Variants in KIRREL3 observed in about 807,000 individuals in gnomAD.
The protein encoded by KIRREL3 is kin of IRRE-like protein 3.
A neutral mutation model predicts 89.7 loss-of-function variants in KIRREL3; 36 were observed. The observed-to-expected ratio is 0.40, with a 90% CI of 0.31 to 0.53. The LOEUF is 0.53. Ranked by LOEUF, KIRREL3 falls within the 20% of genes least tolerant of loss-of-function variation. The pLI is 0.49. For missense variants in KIRREL3, 864 were observed against 1,056.6 expected, an observed-to-expected ratio of 0.82 and a Z score of 2.53; for synonymous variants, 445 against 441.4, an observed-to-expected ratio of 1.01 and a Z score of -0.10.
At chr11:126,907,584 C>T (rs997337184) in intron 1 of KIRREL3, among the ~76,000 whole-genome samples, 2 of 152,174 alleles carry the variant, frequency 1.3e-5, no homozygotes, top group Non-Finnish European at 2.9e-5. Flanking sequence ...AGTATTGGAG[C>T]TCTTCTACCA....
At chr11:126,712,395 C>T (rs1226888828) in intron 1 of KIRREL3, among the ~76,000 whole-genome samples, 1 of 152,184 alleles carries the variant, frequency 6.6e-6, no homozygotes, top group Non-Finnish European at 1.5e-5. Context: ...CCCCTCAGAG[C>T]CCTCTGCCCC....
chr11:126,978,386 C>A lies in KIRREL3; in HGVS notation c.55+22069G>T, dbSNP rs1011720189. On this transcript the variant is annotated intron_variant, in intron 1 of 16. Coordinates refer to ENST00000525144, the MANE Select transcript of KIRREL3 (RefSeq NM_032531.4). The surrounding 1 kb of genome is among the most constrained non-coding windows in gnomAD (Gnocchi z 4.2). Reference sequence around the variant, plus strand: ...TTATGTGTGGAACCTCTGGAATGAACCTGCATTCTTTTCTTTGTTAACCCA... The same window carrying A: ...TTATGTGTGGAACCTCTGGAATGAAACTGCATTCTTTTCTTTGTTAACCCA... 3.3e-5 allele frequency among the ~76,000 whole-genome samples: 5 copies of A among 152,152 alleles called. No homozygotes were observed. The highest frequency in any genetic ancestry group is 7.3e-5 in the Non-Finnish European group (5 of 68,038).
At chr11:126,926,184 GGT>G (rs1305777186) in intron 1 of KIRREL3, among the ~76,000 whole-genome samples, 1 of 152,224 alleles carries the variant, frequency 6.6e-6, no homozygotes, top group African/African-American at 2.4e-5. Context: ...AGGACAGGTG[GGT>G]GGCAGACGAA....
chr11:126,507,984 G>C (rs540628978), intron 4 of KIRREL3, among the ~76,000 whole-genome samples: 55 of 152,224 alleles, frequency 3.6e-4, no homozygotes, highest in African/African-American at 1.3e-3. Flanking sequence ...TAGTGACTTC[G>C]TTTGTGTGCG....
chr11:126,562,752 C>G lies in KIRREL3; in HGVS notation c.133+83G>C. On this transcript the variant is annotated intron_variant, in intron 2 of 16. Transcript: ENST00000525144. The surrounding 1 kb of genome is among the most constrained non-coding windows in gnomAD (Gnocchi z 4.7). The stretch of plus-strand genomic sequence containing the variant: ...TTCTGAGAGGTCCCAGGTTCTTATT[C>G]CTGGTTCCTCTGTCCTGTGGCTGTA... The G allele has an allele frequency of 8.3e-7, 1 of 1,198,750 alleles. No homozygotes were observed. Among genetic ancestry groups the G allele is most frequent in the Admixed American group, 1.8e-5 (1 of 55,888 alleles). The allele number at this position is 1,198,750 out of a possible 1,614,324, so 74.3% of individuals were successfully genotyped here. A position where few individuals can be genotyped will look rare whatever the true frequency, so the allele number is the denominator to read the frequency against.
rs372217914 is a variant in KIRREL3 at position 126,622,393 on chromosome 11, C to T, written c.56-59481G>A. On this transcript the variant is annotated intron_variant, in intron 1 of 16. Coordinates refer to ENST00000525144, the MANE Select transcript of KIRREL3 (RefSeq NM_032531.4). The surrounding 1 kb of genome is among the most constrained non-coding windows in gnomAD (Gnocchi z 5.2). ...TGGAGTCTGGAGGGAGGAGAGGAGT[C>T]GGTTCTGGCTTGTGAGCCATGGTGC... Among the ~76,000 whole-genome samples, 10 of 152,270 alleles carry T rather than the reference C, an allele frequency of 6.6e-5. No homozygotes were observed. Among genetic ancestry groups the T allele is most frequent in the South Asian group, 6.2e-4 (3 of 4,822 alleles).
intron 1 of KIRREL3, among the ~76,000 whole-genome samples, chr11:126,861,967 G>A (rs1944720930): frequency 6.6e-6 from 1 of 152,228 alleles, no homozygotes; most frequent in Non-Finnish European, 1.5e-5. Context: ...GTGCACATGA[G>A]CATGGCTCGT....
chr11:126,837,998 C>T lies in KIRREL3; in HGVS notation c.55+162457G>A, dbSNP rs990175136. The stretch of plus-strand genomic sequence containing the variant: ...ATTCACGTTATTTATATTACTAATC[C>T]TGTCCCCAGACCTGTAAGTCATTGC... On this transcript the variant is annotated intron_variant, in intron 1 of 16. Coordinates refer to ENST00000525144, the MANE Select transcript of KIRREL3 (RefSeq NM_032531.4). This position sits in a 1 kb window ranked among gnomAD's most constrained non-coding sequence, Gnocchi z 4.7. Among the ~76,000 whole-genome samples, 6 of 152,170 alleles carry T rather than the reference C, an allele frequency of 3.9e-5. No individual in the cohort carries two copies. Among genetic ancestry groups the T allele is most frequent in the Non-Finnish European group, 4.4e-5 (3 of 68,034 alleles).
chr11:126,690,800 T>C (rs1188317604), intron 1 of KIRREL3, among the ~76,000 whole-genome samples: 1 of 152,224 alleles, frequency 6.6e-6, no homozygotes, highest in Non-Finnish European at 1.5e-5. Flanking sequence ...CAAGTGCACC[T>C]TTATGGCCCA....
Position 126,872,332 on chromosome 11 carries a change from A to T in KIRREL3, c.55+128123T>A, listed in dbSNP as rs942572831. On this transcript the variant is annotated intron_variant, in intron 1 of 16. Coordinates refer to ENST00000525144, the MANE Select transcript of KIRREL3 (RefSeq NM_032531.4). The surrounding 1 kb of genome is among the most constrained non-coding windows in gnomAD (Gnocchi z 4.2). ...GTAACCACCTCTTAATTTGCATGTA[A>T]ATAAAGGGGGTATAAACACAGTTGT... Among the ~76,000 whole-genome samples, 1 of 152,178 alleles carries T rather than the reference A, an allele frequency of 6.6e-6. No individual in the cohort carries two copies. The highest frequency in any genetic ancestry group is 2.4e-5 in the African/African-American group (1 of 41,452).
chr11:126,525,092 C>T lies in KIRREL3; in HGVS notation c.283+1446G>A, dbSNP rs1565523120. On this transcript the variant is annotated intron_variant, in intron 3 of 16. Coordinates refer to ENST00000525144, the MANE Select transcript of KIRREL3 (RefSeq NM_032531.4). The surrounding 1 kb of genome is among the most constrained non-coding windows in gnomAD (Gnocchi z 5.4). ...GGATCCCAGAAAGCCATTCATGGCA[C>T]TGGATGCTAGAGGGTCAGTTATCCA... is the stretch of plus-strand genomic sequence containing the variant. 6.6e-6 allele frequency among the ~76,000 whole-genome samples: 1 copy of T among 152,130 alleles called. No homozygotes were observed. The highest frequency in any genetic ancestry group is 1.5e-5 in the Non-Finnish European group (1 of 68,016).
chr11:126,488,787 A>AT (rs1438609721), intron 4 of KIRREL3, among the ~76,000 whole-genome samples: 4 of 152,020 alleles, frequency 2.6e-5, no homozygotes, highest in African/African-American at 9.7e-5. Context: ...CCCACAGGGG[A>AT]TCCCCCCAAA....
At position 126,668,202 on chromosome 11, in the gene KIRREL3, G is replaced by T. The variant is rs770777101; in HGVS notation, c.56-105290C>A. Among the ~76,000 whole-genome samples the T allele has an allele frequency of 6.6e-6, 1 of 152,112 alleles. No homozygotes were observed. Among genetic ancestry groups the T allele is most frequent in the African/African-American group, 2.4e-5 (1 of 41,400 alleles). On this transcript the variant is annotated intron_variant, in intron 1 of 16. Transcript: ENST00000525144. This position sits in a 1 kb window ranked among gnomAD's most constrained non-coding sequence, Gnocchi z 4.4. ...GATGGCAGATTTGGTGACTGGTGAG[G>T]GCTGGCTTCTTCATAGGCAGTGCCT...
rs1945783414 is a variant in KIRREL3, at chr11:126,668,700, TCTTTCTTTCTTTCTTTCTTTC to T, written c.56-105809_56-105789del. 1.7e-5 allele frequency among the ~76,000 whole-genome samples: 1 copy of T among 59,666 alleles called. No individual in the cohort carries two copies. The allele number at this position is 59,666 out of a possible 152,430, so 39.1% of individuals were successfully genotyped here. A position where few individuals can be genotyped will look rare whatever the true frequency, so the allele number is the denominator to read the frequency against. ...CTGTTGGGAAGTTTCTGTTTTTCTT[TCTTTCTTTCTTTCTTTCTTTC>T]TTTCTTTCTTTCTTTCTTTCTTTCT... On this transcript the variant is annotated intron_variant, in intron 1 of 16. Coordinates refer to ENST00000525144, the MANE Select transcript of KIRREL3 (RefSeq NM_032531.4). This position sits in a 1 kb window ranked among gnomAD's most constrained non-coding sequence, Gnocchi z 4.4.
Position 126,477,744 on chromosome 11 carries a change from G to T in KIRREL3, c.434-4278C>A, listed in dbSNP as rs1591605780. Among the ~76,000 whole-genome samples the T allele has an allele frequency of 1.3e-5, 2 of 152,310 alleles. No homozygotes were observed. Among genetic ancestry groups the T allele is most frequent in the East Asian group, 3.9e-4 (2 of 5,170 alleles). ...CCACTTGGTCACCCAACTGAGACCTGGCTGGGCTTCCAGGAATTCCTCGAT... is the reference window on the plus strand; with the variant it reads ...CCACTTGGTCACCCAACTGAGACCTTGCTGGGCTTCCAGGAATTCCTCGAT... On this transcript the variant is annotated intron_variant, in intron 4 of 16. Coordinates refer to ENST00000525144, the MANE Select transcript of KIRREL3 (RefSeq NM_032531.4). This position sits in a 1 kb window ranked among gnomAD's most constrained non-coding sequence, Gnocchi z 4.8.
chr11:126,507,141 A>G (rs569640590), intron 4 of KIRREL3, among the ~76,000 whole-genome samples: 27 of 152,276 alleles, frequency 1.8e-4, no homozygotes, highest in African/African-American at 6.3e-4. Context: ...ATATGATTCT[A>G]CTCATACCAT....
Position 126,635,286 on chromosome 11 carries a change from G to A in KIRREL3, c.56-72374C>T, listed in dbSNP as rs1159140994. Among the ~76,000 whole-genome samples, 1 of 152,292 alleles carries A rather than the reference G, an allele frequency of 6.6e-6. No homozygotes were observed. Among genetic ancestry groups the A allele is most frequent in the South Asian group, 2.1e-4 (1 of 4,812 alleles). The stretch of plus-strand genomic sequence containing the variant: ...CAGGTGCTTCCCTCCAAGGCAGAAG[G>A]TAACCCCTCCCAGTCCAGAGCAAAT... On this transcript the variant is annotated intron_variant, in intron 1 of 16. Transcript: ENST00000525144. The surrounding 1 kb of genome is among the most constrained non-coding windows in gnomAD (Gnocchi z 4.0).
In KIRREL3 at chr11:126,515,631, C is replaced by A. The variant is rs1300110206; in HGVS notation, c.433+5684G>T. On this transcript the variant is annotated intron_variant, in intron 4 of 16. Transcript: ENST00000525144. This position sits in a 1 kb window ranked among gnomAD's most constrained non-coding sequence, Gnocchi z 4.2. ...GGAAGAAACACAGTGTGAATGAGGG[C>A]CCAGAGGCTTGGTGAGCGGAAGGAG... is the stretch of plus-strand genomic sequence containing the variant. Among the ~76,000 whole-genome samples the A allele has an allele frequency of 6.6e-6, 1 of 152,100 alleles. No individual in the cohort carries two copies. The highest frequency in any genetic ancestry group is 1.5e-5 in the Non-Finnish European group (1 of 68,016).
chr11:126,637,698 C>G (rs1426555932), intron 1 of KIRREL3, among the ~76,000 whole-genome samples: 2 of 152,196 alleles, frequency 1.3e-5, no homozygotes, highest in African/African-American at 4.8e-5. Flanking sequence ...CTGGATATCT[C>G]TGCGGATGGT....
Sources: gnomAD v4.1 joint callset for allele counts (sites outside exome capture counted in the v4.1 genomes callset) on GRCh38, gnomAD v4.1.1 for gene constraint, Gnocchi (gnomAD v3.1) non-coding constraint, MANE v1.5 for transcripts, NCBI Gene and HGNC (gene_info 2026-07-23, HGNC 2026-07-21) for gene names.